GPHN: variants seen among roughly 807,000 people sequenced by gnomAD.
GPHN encodes gephyrin.
Under a neutral mutation model 95.5 loss-of-function variants are expected in GPHN, and 17 were observed. That is an observed-to-expected ratio of 0.18 (90% confidence interval 0.12 to 0.27). GPHN has a LOEUF of 0.27. Ranked by LOEUF, GPHN falls within the 10% of genes least tolerant of loss-of-function variation. The pLI, the probability that GPHN is intolerant of heterozygous loss-of-function variation, is 1.00. For missense variants in GPHN, 660 were observed against 978.1 expected (o/e 0.67, Z 4.34); for synonymous variants, 320 against 322.5 (o/e 0.99, Z 0.08).
intron 9 of GPHN, among the ~76,000 whole-genome samples, chr14:67,010,278 C>T (rs868619829): frequency 3.3e-5 from 5 of 151,560 alleles, no homozygotes; most frequent in African/African-American, 1.2e-4. Flanking sequence ...AGGCCGGGCG[C>T]GGTGGCTCAC....
At chr14:67,036,455 T>C (rs1567237517) in intron 10 of GPHN, among the ~76,000 whole-genome samples, 1 of 148,186 alleles carries the variant, frequency 6.7e-6, no homozygotes, top group African/African-American at 2.5e-5. Flanking sequence ...CCAGATGACA[T>C]GATCTTATGT....
the GPHN span, among the ~76,000 whole-genome samples, chr14:67,202,243 C>T: frequency 2.6e-5 from 4 of 152,176 alleles, no homozygotes; most frequent in Non-Finnish European, 4.4e-5. Flanking sequence ...GAGTTCGAGA[C>T]CAGCCCCACC....
At chr14:67,542,176 C>G in the GPHN span, among the ~76,000 whole-genome samples, 1,782 of 150,350 alleles carry the variant, frequency 0.012, 40 homozygotes, top group African/African-American at 0.042. Flanking sequence ...TGTTATCTTG[C>G]TTGCGTCTTT....
chr14:67,180,000 A>C (rs2083241881), intron 22 of GPHN, among the ~76,000 whole-genome samples: 1 of 152,182 alleles, frequency 6.6e-6, no homozygotes. Context: ...ACTTTGTAGG[A>C]AAAGGAGGAG....
At chr14:67,192,862 A>C in the GPHN span, among the ~76,000 whole-genome samples, 1 of 139,050 alleles carries the variant, frequency 7.2e-6, no homozygotes, top group African/African-American at 3.0e-5. Context: ...ATATACAGAT[A>C]TATATAGATA....
At chr14:67,609,433 A>G in the GPHN span, among the ~76,000 whole-genome samples, 8 of 152,124 alleles carry the variant, frequency 5.3e-5, 1 homozygote, top group Admixed American at 5.2e-4. Context: ...AGTCCCCTGA[A>G]CTCAGTCCTT....
intron 17 of GPHN, among the ~76,000 whole-genome samples, chr14:67,134,953 CTTTTTTT>C (rs57933607): frequency 1.8e-4 from 8 of 45,240 alleles, no homozygotes; most frequent in Middle Eastern, 0.014. Flanking sequence ...TTTCTTTCTT[CTTTTTTT>C]TTTTTTTTTT....
chr14:67,567,233 C>G, the GPHN span, among the ~76,000 whole-genome samples: 2 of 152,154 alleles, frequency 1.3e-5, no homozygotes, highest in Admixed American at 1.3e-4. Context: ...CAGTAACCAT[C>G]TGGGGAGGGC....
chr14:67,082,791 T>TA (rs2076743466), intron 11 of GPHN, among the ~76,000 whole-genome samples: 1 of 152,180 alleles, frequency 6.6e-6, no homozygotes, highest in African/African-American at 2.4e-5. Context: ...TCAGCAATGT[T>TA]TAGTAGTTTT....
At chr14:67,539,196 G>A in the GPHN span, among the ~76,000 whole-genome samples, 1 of 152,160 alleles carries the variant, frequency 6.6e-6, no homozygotes, top group South Asian at 2.1e-4. Flanking sequence ...CAAACATGAA[G>A]CCTCCCGGCC....
At chr14:66,774,513 G>A (rs1019481607) in intron 2 of GPHN, among the ~76,000 whole-genome samples, 3 of 152,066 alleles carry the variant, frequency 2.0e-5, no homozygotes, top group Non-Finnish European at 2.9e-5. Flanking sequence ...GCTTCTCAAC[G>A]CATTTCTTCC....
the GPHN span, among the ~76,000 whole-genome samples, chr14:67,595,031 G>C: frequency 6.6e-6 from 1 of 152,042 alleles, no homozygotes; most frequent in African/African-American, 2.4e-5. Flanking sequence ...CAGCTACTCG[G>C]GAGGCTGAGG....
intron 17 of GPHN, among the ~76,000 whole-genome samples, chr14:67,139,430 G>C (rs138896603): frequency 6.6e-6 from 1 of 152,008 alleles, no homozygotes; most frequent in South Asian, 2.1e-4. Context: ...TCTGGACAAG[G>C]GTCCGTTCTC....
At chr14:67,554,839 T>G in the GPHN span, among the ~76,000 whole-genome samples, 4 of 152,212 alleles carry the variant, frequency 2.6e-5, no homozygotes, top group Non-Finnish European at 4.4e-5. Context: ...GGCCACTTGG[T>G]GTAATATCCA....
the GPHN span, among the ~76,000 whole-genome samples, chr14:67,311,233 C>T: frequency 1.3e-5 from 2 of 151,456 alleles, no homozygotes; most frequent in African/African-American, 4.9e-5. Flanking sequence ...ATCACTTGAA[C>T]CCGGGAGATG....
the GPHN span, among the ~76,000 whole-genome samples, chr14:67,419,433 G>A: frequency 6.6e-6 from 1 of 152,184 alleles, no homozygotes; most frequent in African/African-American, 2.4e-5. Context: ...ACAATGCAGG[G>A]TATTTACTGC....
intron 3 of GPHN, among the ~76,000 whole-genome samples, chr14:66,800,400 A>G (rs2060303889): frequency 6.6e-6 from 1 of 152,042 alleles, no homozygotes; most frequent in Non-Finnish European, 1.5e-5. Flanking sequence ...AAAATCCCTC[A>G]GCTTTTGTTG....
intron 5 of GPHN, among the ~76,000 whole-genome samples, chr14:66,885,234 G>T (rs947741699): frequency 6.6e-6 from 1 of 151,966 alleles, no homozygotes; most frequent in Non-Finnish European, 1.5e-5. Context: ...GCATAAGATG[G>T]CAGAGTAGTA....
chr14:67,384,309 C>G, the GPHN span: 11 of 150,818 alleles, frequency 7.3e-5, no homozygotes, highest in African/African-American at 2.7e-4. Flanking sequence ...CCACTAGATG[C>G]CACCTAGAGC....
Sources: gnomAD v4.1 joint callset for allele counts (sites outside exome capture counted in the v4.1 genomes callset) on GRCh38, gnomAD v4.1.1 for gene constraint, MANE v1.5 for transcripts, NCBI Gene and HGNC (gene_info 2026-07-23, HGNC 2026-07-21) for gene names.